The following SDK1 variants were observed in gnomAD, a reference collection of about 807,000 sequenced individuals.
SDK1 encodes the protein sidekick cell adhesion molecule 1.
In SDK1, 157 loss-of-function variants were observed where a neutral mutation model predicts 245.5. The ratio of observed to expected loss-of-function variants is 0.64; its 90% confidence interval spans 0.56 to 0.73. The LOEUF is 0.73. SDK1 is among the 30% of genes least tolerant of loss of function. The probability of loss-of-function intolerance (pLI) is 0.00; values close to 1 mark genes in which losing one functional copy is unlikely to be tolerated. For missense variants in SDK1, 3,583 were observed against 3,002.3 expected (o/e 1.19, Z -4.52); for synonymous variants, 1,647 against 1,278.5 (o/e 1.29, Z -6.15).
chr7:4,178,933 C>T (rs1295680580), intron 35 of SDK1, among the ~76,000 whole-genome samples: 1 of 152,196 alleles, frequency 6.6e-6, no homozygotes, highest in African/African-American at 2.4e-5. Flanking sequence ...TCTGGAGGGG[C>T]AGATGTTTGT....
chr7:3,587,040 G>C (rs1251107259), intron 1 of SDK1, among the ~76,000 whole-genome samples: 1 of 152,208 alleles, frequency 6.6e-6, no homozygotes, highest in East Asian at 1.9e-4. Flanking sequence ...GCACAGTGCA[G>C]ACATCTGGGC....
chr7:3,684,905 A>C (rs750815619), intron 4 of SDK1, among the ~76,000 whole-genome samples: 10 of 152,200 alleles, frequency 6.6e-5, no homozygotes, highest in Non-Finnish European at 1.5e-4. Context: ...CGAATCCATG[A>C]ACTTGAGGAC....
At chr7:4,223,510 C>G (rs1187780805) in intron 40 of SDK1, among the ~76,000 whole-genome samples, 1 of 152,196 alleles carries the variant, frequency 6.6e-6, no homozygotes, top group African/African-American at 2.4e-5. Flanking sequence ...TACAGGCCAT[C>G]CTGGGTGATC....
intron 17 of SDK1, among the ~76,000 whole-genome samples, chr7:4,030,133 G>C (rs770053918): frequency 9.8e-5 from 15 of 152,290 alleles, no homozygotes; most frequent in South Asian, 2.1e-4. Flanking sequence ...TGGCCACCAG[G>C]GGAAGCAGGA....
chr7:3,901,466 A>G (rs147798420), intron 5 of SDK1, among the ~76,000 whole-genome samples: 4 of 152,300 alleles, frequency 2.6e-5, no homozygotes, highest in African/African-American at 7.2e-5. Flanking sequence ...GATTACAGGT[A>G]TGAGCCAAGT....
At chr7:3,316,365 G>C (rs1779662401) in intron 1 of SDK1, among the ~76,000 whole-genome samples, 2 of 152,154 alleles carry the variant, frequency 1.3e-5, no homozygotes, top group Non-Finnish European at 2.9e-5. Context: ...ATGCTGCACA[G>C]GTTTGTAGCC....
chr7:4,131,647 C>T (rs1784828335), intron 27 of SDK1, among the ~76,000 whole-genome samples: 1 of 152,156 alleles, frequency 6.6e-6, no homozygotes, highest in South Asian at 2.1e-4. Flanking sequence ...CTTGCCTGTT[C>T]GTTTAAGTAA....
intron 4 of SDK1, among the ~76,000 whole-genome samples, chr7:3,798,769 GC>G (rs1779031729): frequency 6.6e-6 from 1 of 152,118 alleles, no homozygotes; most frequent in Admixed American, 6.5e-5. Context: ...GAGTAGTTAA[GC>G]CCCCTCCTAC....
At chr7:4,002,628 A>G (rs541781459) in intron 14 of SDK1, among the ~76,000 whole-genome samples, 4 of 152,328 alleles carry the variant, frequency 2.6e-5, no homozygotes, top group Admixed American at 1.3e-4. Context: ...GTGAACTTCT[A>G]TCATTTTTTA....
chr7:3,455,505 G>A, intron 1 of SDK1, among the ~76,000 whole-genome samples: 1 of 151,636 alleles, frequency 6.6e-6, no homozygotes, highest in African/African-American at 2.4e-5. Flanking sequence ...TTGTTCAATG[G>A]ATGCCTATTA....
intron 4 of SDK1, among the ~76,000 whole-genome samples, chr7:3,806,354 C>G (rs774872148): frequency 6.8e-5 from 8 of 118,130 alleles, no homozygotes; most frequent in Non-Finnish European, 1.1e-4. Flanking sequence ...ATGTGGATGT[C>G]CACATTAGGA....
In SDK1 at chr7:3,413,674, G is replaced by A. The variant is rs1040056379; in HGVS notation, c.298+111790G>A. Among the ~76,000 whole-genome samples, 6 of 152,188 alleles carry A rather than the reference G, an allele frequency of 3.9e-5. No homozygotes were observed. In the East Asian group the frequency reaches 9.7e-4, roughly 25 times the overall value. On this transcript the variant is annotated intron_variant, in intron 1 of 44. Coordinates refer to ENST00000404826, the MANE Select transcript of SDK1 (RefSeq NM_152744.4). ...CCACTGCACTCCAGGGCAACAGAGC[G>A]AAACTTCATCTCAAACAAACAAATA...
chr7:3,671,972 A>G (rs528241714), intron 4 of SDK1, among the ~76,000 whole-genome samples: 1 of 152,268 alleles, frequency 6.6e-6, no homozygotes, highest in South Asian at 2.1e-4. Flanking sequence ...CCATGCCTAC[A>G]CAGTAGTTGC....
intron 1 of SDK1, among the ~76,000 whole-genome samples, chr7:3,394,577 A>G (rs1307429916): frequency 6.6e-6 from 1 of 151,926 alleles, no homozygotes; most frequent in Non-Finnish European, 1.5e-5. Context: ...GGAATTTGAT[A>G]GGGATTATTT....
At chr7:3,593,547 T>C (rs1321474653) in intron 1 of SDK1, among the ~76,000 whole-genome samples, 1 of 152,254 alleles carries the variant, frequency 6.6e-6, no homozygotes, top group Non-Finnish European at 1.5e-5. Flanking sequence ...TTGTCTTTCC[T>C]ATTGCCGTAC....
At chr7:3,723,834 G>A (rs1167031860) in intron 4 of SDK1, among the ~76,000 whole-genome samples, 5 of 144,752 alleles carry the variant, frequency 3.5e-5, no homozygotes, top group Non-Finnish European at 6.0e-5. Context: ...ACATATACAC[G>A]TGTATATACA....
intron 1 of SDK1, among the ~76,000 whole-genome samples, chr7:3,541,401 A>G (rs1161389273): frequency 3.3e-5 from 5 of 152,154 alleles, no homozygotes; most frequent in African/African-American, 1.2e-4. Context: ...CATTGGGTGG[A>G]CTTCCATGCC....
intron 15 of SDK1, among the ~76,000 whole-genome samples, 166 bp downstream of exon 15, chr7:4,011,279 A>G (rs1785940239): frequency 6.6e-6 from 1 of 152,260 alleles, no homozygotes; most frequent in Non-Finnish European, 1.5e-5. Flanking sequence ...AGGGAAAGAC[A>G]GGCCCACGCA....
At position 3,580,996 on chromosome 7, in the gene SDK1, C is replaced by CAAAAAAAA. The variant is rs1418335916; in HGVS notation, c.299-38080_299-38079insAAAAAAAA. 5.0e-3 allele frequency among the ~76,000 whole-genome samples: 465 copies of CAAAAAAAA among 92,878 alleles called. 76 individuals carry two copies. Among genetic ancestry groups the CAAAAAAAA allele is most frequent in the African/African-American group, 0.011 (242 of 22,476 alleles). The allele number at this position is 92,878 out of a possible 152,430, so 60.9% of individuals were successfully genotyped here. A position where few individuals can be genotyped will look rare whatever the true frequency, so the allele number is the denominator to read the frequency against. Reference sequence around the variant, plus strand: ...AAAAAAAAAAAAAAAAAAAAAAAACCAAAACAAAACCCTGGAAGACAATCT... The same window carrying CAAAAAAAA: ...AAAAAAAAAAAAAAAAAAAAAAAACCAAAAAAAAAAAACAAAACCCTGGAAGACAATCT... On this transcript the variant is annotated intron_variant, in intron 1 of 44. Transcript: ENST00000404826.
Sources: gnomAD v4.1 joint callset for allele counts (sites outside exome capture counted in the v4.1 genomes callset) on GRCh38, gnomAD v4.1.1 for gene constraint, MANE v1.5 for transcripts, NCBI Gene and HGNC (gene_info 2026-07-23, HGNC 2026-07-21) for gene names.